LGSN: variants seen among roughly 807,000 people sequenced by gnomAD.
The protein encoded by LGSN is lengsin.
A neutral mutation model predicts 19.5 loss-of-function variants in LGSN; 21 were observed. The observed-to-expected ratio is 1.07, with a 90% CI of 0.76 to 1.55. The LOEUF (loss-of-function observed/expected upper bound fraction) is 1.55. Among genes scored for constraint, LGSN ranks in the 40% most tolerant of loss-of-function variants. The pLI, the probability that LGSN is intolerant of heterozygous loss-of-function variation, is 0.00. For synonymous variants in LGSN, 257 were observed against 215.6 expected (o/e 1.19, Z -1.68); for missense variants, 673 against 608.5 (o/e 1.11, Z -1.12).
At chr6:63,520,407 A>C in the LGSN span, among the ~76,000 whole-genome samples, 1 of 152,126 alleles carries the variant, frequency 6.6e-6, no homozygotes, top group Non-Finnish European at 1.5e-5. Flanking sequence ...CGGGCGGATC[A>C]CTTGAGGCCA....
At chr6:63,328,786 T>C in the LGSN span, among the ~76,000 whole-genome samples, 1 of 152,206 alleles carries the variant, frequency 6.6e-6, no homozygotes, top group African/African-American at 2.4e-5. Flanking sequence ...CTGCCTCTGG[T>C]TCCCATTCTA....
chr6:63,302,109 A>C lies in LGSN; in HGVS notation c.31-7064T>G, dbSNP rs1050105613. On this transcript the variant is annotated intron_variant, in intron 1 of 3. Coordinates refer to ENST00000370657, the MANE Select transcript of LGSN (RefSeq NM_016571.3). ...TGATATGTTAAATAAAATGGAAAGC[A>C]TCATAAAATAAATGGTACTTAACAT... Among the ~76,000 whole-genome samples, 8 of 152,224 alleles carry C rather than the reference A, an allele frequency of 5.3e-5. No individual in the cohort carries two copies. In the East Asian group the frequency reaches 1.5e-3, roughly 29 times the overall value.
intron 1 of LGSN, among the ~76,000 whole-genome samples, chr6:63,303,387 TCTC>T (rs1315660112): frequency 1.1e-4 from 16 of 152,138 alleles, no homozygotes; most frequent in Admixed American, 1.0e-3. Flanking sequence ...CCTAGAGAAA[TCTC>T]CAACAATAAA....
the LGSN span, among the ~76,000 whole-genome samples, chr6:63,516,681 T>C: frequency 1.3e-5 from 2 of 152,058 alleles, no homozygotes; most frequent in Non-Finnish European, 2.9e-5. Context: ...CACAGGTGAG[T>C]GGAAAAAAAT....
the LGSN span, among the ~76,000 whole-genome samples, chr6:63,553,616 G>A: frequency 6.6e-6 from 1 of 152,152 alleles, no homozygotes; most frequent in South Asian, 2.1e-4. Context: ...TCTAACTAAT[G>A]AATGACAGCT....
chr6:63,301,290 TA>T, intron 1 of LGSN, among the ~76,000 whole-genome samples: 1 of 151,760 alleles, frequency 6.6e-6, no homozygotes. Flanking sequence ...GACTCTGTCT[TA>T]AAAAAAATAA....
intron 2 of LGSN, among the ~76,000 whole-genome samples, chr6:63,289,762 G>A (rs1767694224): frequency 6.6e-6 from 1 of 152,168 alleles, no homozygotes; most frequent in Non-Finnish European, 1.5e-5. Flanking sequence ...GGAGATTGAA[G>A]AGATGTTTGG....
At chr6:63,484,573 T>C in the LGSN span, among the ~76,000 whole-genome samples, 2 of 152,044 alleles carry the variant, frequency 1.3e-5, no homozygotes, top group Non-Finnish European at 1.5e-5. Flanking sequence ...TAAAGACCAA[T>C]TGACAGCATT....
In LGSN at chr6:63,280,818, C is replaced by T. The variant is rs367925464; in HGVS notation, c.733G>A (p.Asp245Asn). 37 of 1,613,842 alleles carry T rather than the reference C, an allele frequency of 2.3e-5. No individual in the cohort carries two copies. The highest frequency in any genetic ancestry group is 3.1e-5 in the Non-Finnish European group (36 of 1,179,954). Residue 245 changes from aspartate (D) to asparagine (N), a missense_variant, in exon 4 of 4, where the codon GAT (aspartate) becomes AAT (asparagine). Physicochemically the swap from Asp to Asn is conservative, Grantham distance 23. Transcript: ENST00000370657. ...HDQPFMQELV[D>N]GLYHTGANVE... ...TTGGCTCCAGTGTGATACAAGCCATCAACAAGTTCCTGCATGAAGGGCTGA... is the reference window on the plus strand; with the variant it reads ...TTGGCTCCAGTGTGATACAAGCCATTAACAAGTTCCTGCATGAAGGGCTGA...
At chr6:63,346,099 C>G in the LGSN span, among the ~76,000 whole-genome samples, 1 of 152,162 alleles carries the variant, frequency 6.6e-6, no homozygotes, top group Non-Finnish European at 1.5e-5. Flanking sequence ...TAAAACTCTT[C>G]TAATTTCCTG....
the LGSN span, among the ~76,000 whole-genome samples, chr6:63,326,864 C>T: frequency 1.6e-3 from 238 of 151,770 alleles, no homozygotes; most frequent in East Asian, 8.0e-3. Context: ...GCTGAGGGAG[C>T]GGGCTCTGGC....
the LGSN span, among the ~76,000 whole-genome samples, chr6:63,533,461 A>T: frequency 1.3e-5 from 2 of 152,234 alleles, no homozygotes. Context: ...ATTACATGAA[A>T]AAATAAAGGC....
At chr6:63,283,894 T>C (rs1384875206) in intron 3 of LGSN, among the ~76,000 whole-genome samples, 2 of 152,042 alleles carry the variant, frequency 1.3e-5, no homozygotes, top group African/African-American at 2.4e-5. Flanking sequence ...GAGATGGGGT[T>C]TCACCATGTT....
At chr6:63,517,530 C>A in the LGSN span, among the ~76,000 whole-genome samples, 29 of 152,190 alleles carry the variant, frequency 1.9e-4, no homozygotes, top group African/African-American at 6.7e-4. Context: ...ATGATAACCT[C>A]AATTAACAAC....
the LGSN span, among the ~76,000 whole-genome samples, chr6:63,427,373 C>A: frequency 2.6e-5 from 4 of 151,964 alleles, no homozygotes; most frequent in African/African-American, 9.7e-5. Flanking sequence ...CTTTTTCCAC[C>A]CGAGATAATA....
the LGSN span, among the ~76,000 whole-genome samples, chr6:63,369,115 C>A: frequency 1.3e-5 from 2 of 152,188 alleles, no homozygotes; most frequent in African/African-American, 4.8e-5. Context: ...ACTTCATACA[C>A]AGATAAATGT....
chr6:63,382,337 T>C, the LGSN span, among the ~76,000 whole-genome samples: 1 of 152,252 alleles, frequency 6.6e-6, no homozygotes, highest in Non-Finnish European at 1.5e-5. Flanking sequence ...AATATGTCTT[T>C]ATGCATCCTT....
At chr6:63,419,556 A>T in the LGSN span, among the ~76,000 whole-genome samples, 1 of 151,988 alleles carries the variant, frequency 6.6e-6, no homozygotes, top group African/African-American at 2.4e-5. Flanking sequence ...CTTACCAGGG[A>T]AGCTTGAAGA....
the LGSN span, among the ~76,000 whole-genome samples, chr6:63,393,857 C>T: frequency 6.6e-6 from 1 of 152,192 alleles, no homozygotes; most frequent in South Asian, 2.1e-4. Flanking sequence ...GACAATGTAG[C>T]CACTTCAAAA....
Sources: allele counts gnomAD v4.1 joint callset (sites outside exome capture counted in the v4.1 genomes callset), GRCh38; gene constraint gnomAD v4.1.1; transcripts MANE v1.5; gene names NCBI Gene and HGNC (gene_info 2026-07-23, HGNC 2026-07-21).